The following NUBPL variants were observed in gnomAD, a reference collection of about 807,000 sequenced individuals.
NUBPL encodes iron-sulfur cluster transfer protein NUBPL.
In NUBPL, 31 loss-of-function variants were observed where a neutral mutation model predicts 45.7. The ratio of observed to expected loss-of-function variants is 0.68; its 90% CI spans 0.51 to 0.92. The LOEUF (loss-of-function observed/expected upper bound fraction) is 0.92, where lower values mean the gene tolerates loss of function less well. Ranked by LOEUF, NUBPL falls within the 40% of genes least tolerant of loss-of-function variation. The pLI, the probability that NUBPL is intolerant of heterozygous loss-of-function variation, is 0.00. For missense variants in NUBPL, 401 were observed against 398.7 expected (o/e 1.01, Z -0.05); for synonymous variants, 144 against 140.9 (o/e 1.02, Z -0.15).
intron 3 of NUBPL, among the ~76,000 whole-genome samples, chr14:31,575,167 T>G (rs1207267234): frequency 6.6e-6 from 1 of 152,232 alleles, no homozygotes; most frequent in African/African-American, 2.4e-5. Flanking sequence ...TAATTAAGAT[T>G]ATCTTTAGCC....
intron 6 of NUBPL, among the ~76,000 whole-genome samples, chr14:31,715,823 C>T (rs368906313): frequency 1.3e-5 from 2 of 152,278 alleles, no homozygotes; most frequent in East Asian, 1.9e-4. Flanking sequence ...TTTTCTTTCT[C>T]TCAATTATAA....
chr14:31,781,554 A>C (rs2138797868), intron 6 of NUBPL, among the ~76,000 whole-genome samples: 1 of 152,370 alleles, frequency 6.6e-6, no homozygotes, highest in East Asian at 1.9e-4. Flanking sequence ...GCTATTAAAG[A>C]AACAGACTTC....
chr14:31,627,873 A>G (rs1009826394), intron 4 of NUBPL, among the ~76,000 whole-genome samples: 51 of 152,300 alleles, frequency 3.3e-4, no homozygotes, highest in African/African-American at 1.2e-3. Flanking sequence ...TTAAAAAGTT[A>G]TTAATTCATT....
At chr14:31,841,734 T>C (rs1416099870) in intron 8 of NUBPL, among the ~76,000 whole-genome samples, 1 of 152,080 alleles carries the variant, frequency 6.6e-6, no homozygotes, top group African/African-American at 2.4e-5. Flanking sequence ...CCTATTTTTT[T>C]CTAAAAGTGT....
Position 31,785,087 on chromosome 14 carries a change from A to C in NUBPL, c.514-2693A>C, listed in dbSNP as rs757000620. 2.6e-5 allele frequency among the ~76,000 whole-genome samples: 4 copies of C among 152,144 alleles called. No individual in the cohort carries two copies. The South Asian group carries it at 6.2e-4, about 24-fold the overall frequency. On this transcript the variant is annotated intron_variant, in intron 6 of 10. Coordinates refer to ENST00000281081, the MANE Select transcript of NUBPL (RefSeq NM_025152.3). ...CTAAAGTAGCACCTTCCACCATTCAATTCTTTCTCCTTACTCTACACCGTC... is the reference window on the plus strand; with the variant it reads ...CTAAAGTAGCACCTTCCACCATTCACTTCTTTCTCCTTACTCTACACCGTC...
intron 6 of NUBPL, among the ~76,000 whole-genome samples, chr14:31,750,676 A>G (rs1201643137): frequency 6.6e-6 from 1 of 152,080 alleles, no homozygotes; most frequent in Admixed American, 6.6e-5. Flanking sequence ...CCAATTTTTT[A>G]TAGTAGCTTT....
At chr14:31,750,948 G>A (rs953454371) in intron 6 of NUBPL, among the ~76,000 whole-genome samples, 1 of 152,170 alleles carries the variant, frequency 6.6e-6, no homozygotes. Context: ...GAAGGCAACA[G>A]GGAAGCATAG....
Position 31,678,412 on chromosome 14 carries a change from G to A in NUBPL, c.513+4838G>A, listed in dbSNP as rs190397084. On this transcript the variant is annotated intron_variant, in intron 6 of 10. Coordinates refer to ENST00000281081, the MANE Select transcript of NUBPL (RefSeq NM_025152.3). ...GGGAATGTGCTGTATCTTACCTTAA[G>A]CCAGCACATCTCAGAGTCTCACCCA... Among the ~76,000 whole-genome samples the A allele has an allele frequency of 7.9e-5, 12 of 152,334 alleles. No individual in the cohort carries two copies. The East Asian group carries it at 2.1e-3, about 27-fold the overall frequency.
At chr14:31,778,154 T>C (rs1332905816) in intron 6 of NUBPL, among the ~76,000 whole-genome samples, 1 of 152,214 alleles carries the variant, frequency 6.6e-6, no homozygotes, top group Non-Finnish European at 1.5e-5. Context: ...TGAAACTGAC[T>C]GAATAGATGG....
intron 8 of NUBPL, among the ~76,000 whole-genome samples, chr14:31,827,474 T>C (rs2040124461): frequency 6.6e-6 from 1 of 152,164 alleles, no homozygotes; most frequent in Non-Finnish European, 1.5e-5. Flanking sequence ...ACCTTCTTTA[T>C]AGTAAATACA....
At chr14:31,707,418 C>CCTTTGT (rs1435631398) in intron 6 of NUBPL, among the ~76,000 whole-genome samples, 1 of 152,206 alleles carries the variant, frequency 6.6e-6, no homozygotes, top group Non-Finnish European at 1.5e-5. Context: ...TTTGACTTCT[C>CCTTTGT]CTTTGTCTCT....
intron 3 of NUBPL, among the ~76,000 whole-genome samples, chr14:31,568,942 G>T (rs1227406147): frequency 2.0e-5 from 3 of 152,048 alleles, no homozygotes; most frequent in African/African-American, 7.2e-5. Flanking sequence ...TTTTCTATTT[G>T]AATTAATTTT....
intron 7 of NUBPL, among the ~76,000 whole-genome samples, chr14:31,802,122 G>T (rs557768614): frequency 6.6e-6 from 1 of 152,290 alleles, no homozygotes; most frequent in Admixed American, 6.5e-5. Flanking sequence ...ATAAACGAAT[G>T]CCCTTATCCC....
intron 6 of NUBPL, among the ~76,000 whole-genome samples, chr14:31,715,043 TATA>T (rs1325220936): frequency 2.0e-5 from 3 of 152,192 alleles, no homozygotes; most frequent in African/African-American, 7.2e-5. Context: ...TCATCTACCA[TATA>T]CTTCTGTTTA....
At chr14:31,603,109 C>A (rs2034489214) in intron 4 of NUBPL, among the ~76,000 whole-genome samples, 1 of 151,610 alleles carries the variant, frequency 6.6e-6, no homozygotes. Context: ...CCCAGGAGTT[C>A]AAGACCAGCC....
chr14:31,582,255 A>G (rs951688054), intron 3 of NUBPL, among the ~76,000 whole-genome samples: 11 of 152,026 alleles, frequency 7.2e-5, no homozygotes, highest in Non-Finnish European at 1.6e-4. Context: ...ATATGTAAAT[A>G]TAAAATTAAT....
At chr14:31,575,750 C>T (rs923173783) in intron 3 of NUBPL, among the ~76,000 whole-genome samples, 1 of 152,132 alleles carries the variant, frequency 6.6e-6, no homozygotes, top group South Asian at 2.1e-4. Flanking sequence ...GAAGTAAATA[C>T]AATACATAAC....
At chr14:31,722,966 T>A (rs763698651) in intron 6 of NUBPL, among the ~76,000 whole-genome samples, 2 of 152,226 alleles carry the variant, frequency 1.3e-5, no homozygotes, top group Non-Finnish European at 2.9e-5. Context: ...ATTTGTCAAT[T>A]TTTGCTTTTG....
intron 6 of NUBPL, among the ~76,000 whole-genome samples, chr14:31,751,517 C>T (rs1040880256): frequency 6.6e-6 from 1 of 152,246 alleles, no homozygotes; most frequent in Non-Finnish European, 1.5e-5. Context: ...TAATCTTTGA[C>T]TCCATGTCTC....
Sources: allele counts gnomAD v4.1 joint callset (sites outside exome capture counted in the v4.1 genomes callset), GRCh38; gene constraint gnomAD v4.1.1; transcripts MANE v1.5; gene names NCBI Gene and HGNC (gene_info 2026-07-23, HGNC 2026-07-21).